SOX5: variants seen among roughly 807,000 people sequenced by gnomAD.
The protein encoded by SOX5 is SRY-box transcription factor 5.
In SOX5, 9 loss-of-function variants were observed where a neutral mutation model predicts 92.0. The observed-to-expected ratio is 0.10, with a 90% CI of 0.06 to 0.17. The LOEUF (loss-of-function observed/expected upper bound fraction) is 0.17, where lower values mean the gene tolerates loss of function less well. Among genes scored for constraint, SOX5 ranks in the 10% least tolerant of loss-of-function variants. The probability of loss-of-function intolerance (pLI) is 1.00; values close to 1 mark genes in which losing one functional copy is unlikely to be tolerated. For missense variants in SOX5, 642 were observed against 944.5 expected (o/e 0.68, Z 4.20); for synonymous variants, 344 against 336.3 (o/e 1.02, Z -0.25).
chr12:24,198,521 G>A (rs1292731597), intron 4 of SOX5, among the ~76,000 whole-genome samples: 4 of 152,126 alleles, frequency 2.6e-5, no homozygotes, highest in Admixed American at 2.6e-4. Flanking sequence ...AGGAGGGCAG[G>A]GTATGTGTCA....
At chr12:23,567,966 A>G (rs1400268165) in intron 10 of SOX5, among the ~76,000 whole-genome samples, 1 of 152,212 alleles carries the variant, frequency 6.6e-6, no homozygotes, top group East Asian at 1.9e-4. Context: ...AATAAAATAC[A>G]AAACCACTTG....
At chr12:24,121,107 G>A (rs1948567317) in intron 4 of SOX5, among the ~76,000 whole-genome samples, 1 of 151,948 alleles carries the variant, frequency 6.6e-6, no homozygotes, top group Non-Finnish European at 1.5e-5. Context: ...CTCACTCTGG[G>A]GTTTAAATGC....
intron 4 of SOX5, among the ~76,000 whole-genome samples, chr12:24,069,005 T>G (rs1439192037): frequency 2.0e-5 from 3 of 149,456 alleles, no homozygotes; most frequent in African/African-American, 7.4e-5. Flanking sequence ...AAAAAAAAAG[T>G]TGAAAATTAA....
chr12:24,357,859 G>GAA (rs1955059969), intron 2 of SOX5, among the ~76,000 whole-genome samples: 3 of 144,532 alleles, frequency 2.1e-5, no homozygotes, highest in East Asian at 2.1e-4. Flanking sequence ...AAAAAAGAAA[G>GAA]AAGAAAAAAG....
intron 1 of SOX5, among the ~76,000 whole-genome samples, chr12:24,554,768 C>T (rs968171922): frequency 2.0e-5 from 3 of 152,200 alleles, no homozygotes; most frequent in Non-Finnish European, 4.4e-5. Context: ...ACCAGTCTGA[C>T]TGAGTCTAAA....
intron 8 of SOX5, among the ~76,000 whole-genome samples, chr12:23,618,924 A>G (rs914539689): frequency 2.0e-5 from 3 of 152,188 alleles, no homozygotes; most frequent in African/African-American, 7.2e-5. Context: ...CAAAAATAAT[A>G]GTTTCCAAGG....
chr12:24,225,000 G>T (rs1025063477), intron 3 of SOX5, among the ~76,000 whole-genome samples: 1 of 152,042 alleles, frequency 6.6e-6, no homozygotes, highest in African/African-American at 2.4e-5. Context: ...TCAGACTGCC[G>T]CCCCTGGGTG....
At chr12:24,328,802 T>C (rs947653118) in intron 2 of SOX5, among the ~76,000 whole-genome samples, 3 of 152,256 alleles carry the variant, frequency 2.0e-5, no homozygotes, top group Non-Finnish European at 2.9e-5. Flanking sequence ...GCTTTATCTG[T>C]TGTTTTAATA....
intron 1 of SOX5, among the ~76,000 whole-genome samples, chr12:24,490,886 A>G (rs542051600): frequency 1.3e-5 from 2 of 152,288 alleles, no homozygotes; most frequent in East Asian, 3.9e-4. Flanking sequence ...CCTCTAAAAC[A>G]CATGGCTAAA....
chr12:23,664,401 AT>A (rs145407555), intron 7 of SOX5, among the ~76,000 whole-genome samples: 37,060 of 151,602 alleles, frequency 0.24, 4,649 homozygotes, highest in African/African-American at 0.28. Context: ...ATATTTCACT[AT>A]TTTTTTTCAG....
At chr12:24,328,811 T>A (rs1298990570) in intron 2 of SOX5, among the ~76,000 whole-genome samples, 1 of 152,246 alleles carries the variant, frequency 6.6e-6, no homozygotes, top group African/African-American at 2.4e-5. Flanking sequence ...GTTGTTTTAA[T>A]ACAACTGCTT....
intron 4 of SOX5, among the ~76,000 whole-genome samples, chr12:24,195,520 A>G (rs1594143643): frequency 6.6e-6 from 1 of 152,342 alleles, no homozygotes; most frequent in Non-Finnish European, 1.5e-5. Flanking sequence ...CGTTGTACAT[A>G]TAACAAGCTT....
At chr12:24,411,926 T>C (rs556341741) in intron 1 of SOX5, among the ~76,000 whole-genome samples, 4 of 152,334 alleles carry the variant, frequency 2.6e-5, no homozygotes, top group Admixed American at 2.6e-4. Flanking sequence ...TTTTGAAAGT[T>C]TGTTAAGTTA....
At chr12:23,678,234 T>C (rs1037121789) in intron 6 of SOX5, among the ~76,000 whole-genome samples, 1 of 152,126 alleles carries the variant, frequency 6.6e-6, no homozygotes, top group African/African-American at 2.4e-5. Context: ...TATTATACAA[T>C]CTACCATTGT....
At chr12:23,751,930 A>G (rs1466340811) in intron 4 of SOX5, among the ~76,000 whole-genome samples, 1 of 150,728 alleles carries the variant, frequency 6.6e-6, no homozygotes, top group East Asian at 2.0e-4. Flanking sequence ...GAAACAAACC[A>G]GGCTCTAAAA....
chr12:23,963,016 C>T (rs1276758333), intron 4 of SOX5, among the ~76,000 whole-genome samples: 1 of 152,150 alleles, frequency 6.6e-6, no homozygotes, highest in East Asian at 1.9e-4. Flanking sequence ...TTCCCCTTAT[C>T]ATTCTGATAT....
At chr12:24,097,098 T>G (rs1232061380) in intron 4 of SOX5, among the ~76,000 whole-genome samples, 2 of 152,192 alleles carry the variant, frequency 1.3e-5, no homozygotes, top group African/African-American at 4.8e-5. Flanking sequence ...TGAAGTTGTA[T>G]CTCATCGTGG....
intron 7 of SOX5, among the ~76,000 whole-genome samples, chr12:23,658,199 C>T (rs911279652): frequency 1.3e-5 from 2 of 152,042 alleles, no homozygotes; most frequent in Admixed American, 6.6e-5. Flanking sequence ...ACTGTGATTG[C>T]CACAACAAAG....
At chr12:23,738,327 T>C (rs1275014330) in intron 5 of SOX5, 1 of 152,148 alleles carries the variant, frequency 6.6e-6, no homozygotes, top group African/African-American at 2.4e-5. Context: ...CCTTAAATAA[T>C]AAGTATTAAA....
Sources: gnomAD v4.1 joint callset for allele counts (sites outside exome capture counted in the v4.1 genomes callset) on GRCh38, gnomAD v4.1.1 for gene constraint, MANE v1.5 for transcripts, NCBI Gene and HGNC (gene_info 2026-07-23, HGNC 2026-07-21) for gene names.